Variants in ARHGEF26 observed in about 807,000 individuals in gnomAD.
ARHGEF26 encodes Rho guanine nucleotide exchange factor (GEF) 26.
Under a neutral mutation model 89.4 loss-of-function variants are expected in ARHGEF26, and 59 were observed. The observed-to-expected ratio is 0.66, with a 90% CI of 0.54 to 0.82. The LOEUF (loss-of-function observed/expected upper bound fraction) is 0.82. Among genes scored for constraint, ARHGEF26 ranks in the 40% least tolerant of loss-of-function variants. ARHGEF26 has a pLI of 0.00. For missense variants in ARHGEF26, 1,234 were observed against 1,085.6 expected (o/e 1.14, Z -1.92); for synonymous variants, 500 against 428.4 (o/e 1.17, Z -2.06).
At chr3:154,150,066 G>A (rs903851253) in intron 5 of ARHGEF26, among the ~76,000 whole-genome samples, 3 of 150,682 alleles carry the variant, frequency 2.0e-5, no homozygotes, top group Non-Finnish European at 4.4e-5. Flanking sequence ...TATTGTGTGT[G>A]TGTGTGTGTG....
chr3:154,192,519 C>T (rs1273861320), intron 8 of ARHGEF26, among the ~76,000 whole-genome samples: 1 of 152,210 alleles, frequency 6.6e-6, no homozygotes. Flanking sequence ...TTTACACCTT[C>T]TCCACCCATC....
chr3:154,220,883 A>G (rs756003133), intron 10 of ARHGEF26, among the ~76,000 whole-genome samples: 2 of 152,190 alleles, frequency 1.3e-5, no homozygotes, highest in Non-Finnish European at 2.9e-5. Flanking sequence ...GAAAAGGCAA[A>G]TAGCAAACTG....
At chr3:154,215,621 G>A (rs1396197335) in intron 9 of ARHGEF26, among the ~76,000 whole-genome samples, 1 of 152,034 alleles carries the variant, frequency 6.6e-6, no homozygotes, top group African/African-American at 2.4e-5. Flanking sequence ...TGTGGAGGCT[G>A]GGCAGTCCAA....
At chr3:154,174,200 G>A (rs942167038) in intron 6 of ARHGEF26, among the ~76,000 whole-genome samples, 1 of 152,202 alleles carries the variant, frequency 6.6e-6, no homozygotes, top group Non-Finnish European at 1.5e-5. Flanking sequence ...TGAGTACAGC[G>A]CCAGTCATTC....
Position 154,256,700 on chromosome 3 carries a change from G to A in ARHGEF26, c.*1227G>A, listed in dbSNP as rs1458403706. ...CTGGAACACACTACAGTAATCTCAAGGAAGGGAAAATTAGGCCTTAAAAGA... is the reference window on the plus strand; with the variant it reads ...CTGGAACACACTACAGTAATCTCAAAGAAGGGAAAATTAGGCCTTAAAAGA... On this transcript the variant is annotated 3_prime_UTR_variant, in exon 15 of 15. Transcript: ENST00000465093. The A allele has an allele frequency of 3.0e-6, 4 of 1,325,780 alleles. No homozygotes were observed. The highest frequency in any genetic ancestry group is 5.8e-5 in the East Asian group (2 of 34,250). 82.1% of individuals were successfully genotyped at this position (1,325,780 alleles called of 1,614,324 possible).
At chr3:154,251,684 G>C (rs1215645895) in intron 12 of ARHGEF26, among the ~76,000 whole-genome samples, 1 of 152,164 alleles carries the variant, frequency 6.6e-6, no homozygotes, top group Admixed American at 6.5e-5. Flanking sequence ...AGTGAGCCTT[G>C]TGTTTTCAGC....
chr3:154,212,341 CA>C (rs59256396), intron 9 of ARHGEF26, among the ~76,000 whole-genome samples: 120,728 of 138,196 alleles, frequency 0.87, 52,368 homozygotes, highest in East Asian at 0.99. Context: ...GACCCTGTCT[CA>C]AAAAAAAAAA....
At chr3:154,186,969 G>GGGTT (rs1273886032) in intron 6 of ARHGEF26, among the ~76,000 whole-genome samples, 1 of 122,034 alleles carries the variant, frequency 8.2e-6, no homozygotes, top group Non-Finnish European at 1.6e-5. Context: ...TCGGCTCACT[G>GGGTT]CAACCTCCGC....
chr3:154,254,888 A>T, intron 14 of ARHGEF26, 64 bp downstream of exon 14: 1 of 1,376,622 alleles, frequency 7.3e-7, no homozygotes. Context: ...AGACCCGAGG[A>T]GTGTCATTTT....
Position 154,197,290 on chromosome 3 carries a change from C to T in ARHGEF26, c.1845+2572C>T, listed in dbSNP as rs111890807. On this transcript the variant is annotated intron_variant, in intron 9 of 14. Coordinates refer to ENST00000465093, the MANE Select transcript of ARHGEF26 (RefSeq NM_015595.4). Reference sequence around the variant, plus strand: ...TGATATAGTCAGCTCAATAATTAATCTTCTTTTTTATTTGTAAAGGTTACT... The same window carrying T: ...TGATATAGTCAGCTCAATAATTAATTTTCTTTTTTATTTGTAAAGGTTACT... Among the ~76,000 whole-genome samples the T allele has an allele frequency of 1.4e-3, 213 of 152,210 alleles. 2 individuals are homozygous for T. The highest frequency in any genetic ancestry group is 4.9e-3 in the African/African-American group (203 of 41,544).
intron 9 of ARHGEF26, among the ~76,000 whole-genome samples, chr3:154,217,597 A>C (rs961179440): frequency 2.6e-5 from 4 of 152,166 alleles, no homozygotes; most frequent in Admixed American, 2.6e-4. Flanking sequence ...GAGGTTGGCC[A>C]TCTCCCTTCA....
At chr3:154,243,451 G>A (rs1465806664) in intron 12 of ARHGEF26, among the ~76,000 whole-genome samples, 1 of 152,190 alleles carries the variant, frequency 6.6e-6, no homozygotes, top group African/African-American at 2.4e-5. Context: ...AAGAGAGTAG[G>A]AGGTGAACTG....
intron 6 of ARHGEF26, among the ~76,000 whole-genome samples, chr3:154,172,765 G>A (rs533897387): frequency 2.6e-5 from 4 of 152,266 alleles, no homozygotes; most frequent in Admixed American, 2.0e-4. Flanking sequence ...ATTCTAAGGG[G>A]AACATGTTCA....
At chr3:154,212,475 CT>C (rs1715435978) in intron 9 of ARHGEF26, among the ~76,000 whole-genome samples, 1 of 151,898 alleles carries the variant, frequency 6.6e-6, no homozygotes, top group African/African-American at 2.4e-5. Flanking sequence ...ATTTTGTATC[CT>C]TCTGGTTGGC....
chr3:154,181,331 G>A (rs1253129125), intron 6 of ARHGEF26, among the ~76,000 whole-genome samples: 1 of 152,088 alleles, frequency 6.6e-6, no homozygotes, highest in Non-Finnish European at 1.5e-5. Flanking sequence ...AATCTGCCTG[G>A]TATGTTACAA....
At chr3:154,145,502 CAG>C (rs2108082847) in intron 4 of ARHGEF26, among the ~76,000 whole-genome samples, 1 of 152,256 alleles carries the variant, frequency 6.6e-6, no homozygotes, top group Non-Finnish European at 1.5e-5. Context: ...TTGATGGAGA[CAG>C]AGTGATCTTG....
intron 8 of ARHGEF26, 106 bp downstream of exon 8, chr3:154,191,524 T>A: frequency 7.5e-7 from 1 of 1,339,014 alleles, no homozygotes; most frequent in African/African-American, 1.5e-5. Context: ...TTTAAAGGTC[T>A]AAAAATCCCC....
At chr3:154,182,200 T>C (rs1713231332) in intron 6 of ARHGEF26, among the ~76,000 whole-genome samples, 1 of 152,094 alleles carries the variant, frequency 6.6e-6, no homozygotes, top group Admixed American at 6.6e-5. Flanking sequence ...GCCATCATAG[T>C]AGGTACACTG....
At chr3:154,170,501 G>T (rs1004515129) in intron 6 of ARHGEF26, among the ~76,000 whole-genome samples, 8 of 152,210 alleles carry the variant, frequency 5.3e-5, no homozygotes, top group Non-Finnish European at 8.8e-5. Flanking sequence ...GCTGACAGTG[G>T]TGTTACTGAT....
Sources: gnomAD v4.1 joint callset for allele counts (sites outside exome capture counted in the v4.1 genomes callset) on GRCh38, gnomAD v4.1.1 for gene constraint, MANE v1.5 for transcripts, NCBI Gene and HGNC (gene_info 2026-07-23, HGNC 2026-07-21) for gene names.